Variants in GRIP1 observed in about 807,000 individuals in gnomAD.
GRIP1 encodes glutamate receptor-interacting protein 1.
Under a neutral mutation model 129.9 loss-of-function variants are expected in GRIP1, and 45 were observed. The observed-to-expected ratio is 0.35, with a 90% CI of 0.27 to 0.44. GRIP1 has a LOEUF of 0.44. GRIP1 is among the 20% of genes least tolerant of loss of function. GRIP1 has a pLI of 1.00. For missense variants in GRIP1, 1,196 were observed against 1,396.8 expected, an observed-to-expected ratio of 0.86 and a Z score of 2.29; for synonymous variants, 530 against 520.8, an observed-to-expected ratio of 1.02 and a Z score of -0.24.
At chr12:66,617,085 TTG>T (rs71436017) in intron 1 of GRIP1, among the ~76,000 whole-genome samples, 2,854 of 135,416 alleles carry the variant, frequency 0.021, 78 homozygotes, top group African/African-American at 0.058. Flanking sequence ...AACAGACGTT[TTG>T]TGTGTGTGTG....
intron 1 of GRIP1, among the ~76,000 whole-genome samples, chr12:66,766,019 G>A (rs1222258916): frequency 6.6e-6 from 1 of 152,122 alleles, no homozygotes; most frequent in Non-Finnish European, 1.5e-5. Context: ...CTACACCCAT[G>A]ATCCATCCTC....
chr12:66,944,847 C>G (rs911075596), intron 1 of GRIP1, among the ~76,000 whole-genome samples: 1 of 152,288 alleles, frequency 6.6e-6, no homozygotes, highest in Admixed American at 6.5e-5. Context: ...GGCTAGAGTA[C>G]AGTGGCACGC....
chr12:66,734,019 G>A (rs1483901548), intron 1 of GRIP1, among the ~76,000 whole-genome samples: 1 of 152,116 alleles, frequency 6.6e-6, no homozygotes, highest in Non-Finnish European at 1.5e-5. Flanking sequence ...GCAACTAGGA[G>A]AGGCAAAAAG....
chr12:66,574,248 C>T (rs924935199), intron 2 of GRIP1, among the ~76,000 whole-genome samples: 23 of 152,192 alleles, frequency 1.5e-4, no homozygotes, highest in African/African-American at 5.1e-4. Flanking sequence ...GATATTCTTT[C>T]CTGTCATTAT....
intron 1 of GRIP1, among the ~76,000 whole-genome samples, chr12:66,870,957 G>T (rs545633246): frequency 1.2e-3 from 177 of 152,256 alleles, no homozygotes; most frequent in African/African-American, 3.5e-3. Flanking sequence ...GAGAATGTGA[G>T]ATTTGCACTC....
intron 1 of GRIP1, among the ~76,000 whole-genome samples, chr12:66,689,530 C>T (rs1181757426): frequency 1.3e-5 from 2 of 152,246 alleles, no homozygotes; most frequent in African/African-American, 4.8e-5. Context: ...CCTAGCTTTA[C>T]TGAGGTGTAT....
intron 1 of GRIP1, among the ~76,000 whole-genome samples, chr12:66,984,350 A>G (rs1740821678): frequency 6.6e-6 from 1 of 152,214 alleles, no homozygotes; most frequent in Admixed American, 6.5e-5. Flanking sequence ...CCAATTTATC[A>G]TATGTAAGAA....
chr12:66,468,770 T>C (rs951896289), intron 7 of GRIP1, among the ~76,000 whole-genome samples: 1 of 151,830 alleles, frequency 6.6e-6, no homozygotes, highest in African/African-American at 2.4e-5. Flanking sequence ...AGAATTAACA[T>C]GAAATTGTTC....
chr12:66,915,659 G>A (rs887299720), intron 1 of GRIP1, among the ~76,000 whole-genome samples: 1 of 152,220 alleles, frequency 6.6e-6, no homozygotes, highest in African/African-American at 2.4e-5. Flanking sequence ...TATCTGTTGA[G>A]AAGAAAGATA....
At chr12:66,595,602 C>T (rs10878460) in intron 2 of GRIP1, among the ~76,000 whole-genome samples, 11,175 of 152,168 alleles carry the variant, frequency 0.073, 493 homozygotes, top group East Asian at 0.12. Flanking sequence ...ATAACACAGT[C>T]CAGAGCTGAC....
chr12:66,990,793 G>A (rs2042382465), intron 1 of GRIP1, among the ~76,000 whole-genome samples: 1 of 151,998 alleles, frequency 6.6e-6, no homozygotes, highest in Non-Finnish European at 1.5e-5. Flanking sequence ...TCAAGAATTC[G>A]AGACCATTCT....
chr12:66,865,921 T>A (rs2040197489), intron 1 of GRIP1, among the ~76,000 whole-genome samples: 1 of 152,128 alleles, frequency 6.6e-6, no homozygotes, highest in Non-Finnish European at 1.5e-5. Flanking sequence ...TAACTCTCCA[T>A]TTCTTTCGGT....
At chr12:66,579,672 A>AAG in intron 2 of GRIP1, among the ~76,000 whole-genome samples, 1 of 151,932 alleles carries the variant, frequency 6.6e-6, no homozygotes. Context: ...GGAAGATGAA[A>AAG]CACGTGAAAT....
chr12:66,785,335 C>CACATATATATATATAT (rs2038295960), intron 1 of GRIP1, among the ~76,000 whole-genome samples: 1 of 27,792 alleles, frequency 3.6e-5, no homozygotes, highest in Non-Finnish European at 9.1e-5. Context: ...TACATACATA[C>CACATATATATATATAT]ATACATACAT....
chr12:66,548,605 A>T (rs1172444543), intron 2 of GRIP1, among the ~76,000 whole-genome samples: 1 of 152,206 alleles, frequency 6.6e-6, no homozygotes, highest in Non-Finnish European at 1.5e-5. Flanking sequence ...TATGTGGATG[A>T]CATGGACACC....
At chr12:66,535,965 G>A (rs774368833) in intron 4 of GRIP1, among the ~76,000 whole-genome samples, 20 of 152,140 alleles carry the variant, frequency 1.3e-4, no homozygotes, top group Non-Finnish European at 2.4e-4. Context: ...GCCATGAACT[G>A]CTGATCTTTC....
intron 1 of GRIP1, among the ~76,000 whole-genome samples, chr12:66,948,889 T>G (rs928000163): frequency 6.6e-6 from 1 of 152,212 alleles, no homozygotes; most frequent in African/African-American, 2.4e-5. Context: ...TAACAAATTG[T>G]AGAGTTTTAT....
At chr12:66,444,524 C>G (rs1003948190) in intron 13 of GRIP1, 60 bp downstream of exon 13, 4 of 1,142,462 alleles carry the variant, frequency 3.5e-6, no homozygotes, top group Non-Finnish European at 5.2e-6. Flanking sequence ...ATAGTTTCCT[C>G]TCTGCCACAT....
At chr12:66,899,828 A>C (rs937813855) in intron 1 of GRIP1, among the ~76,000 whole-genome samples, 2 of 152,200 alleles carry the variant, frequency 1.3e-5, no homozygotes, top group African/African-American at 2.4e-5. Context: ...GAAAATCTCC[A>C]TATTCACAGG....
Sources: gnomAD v4.1 joint callset for allele counts (sites outside exome capture counted in the v4.1 genomes callset) on GRCh38, gnomAD v4.1.1 for gene constraint, MANE v1.5 for transcripts, NCBI Gene and HGNC (gene_info 2026-07-23, HGNC 2026-07-21) for gene names.